The following CSN2 variants were observed in gnomAD, a reference collection of about 807,000 sequenced individuals.
The protein encoded by CSN2 is casein beta, also known as beta-casein.
Under a neutral mutation model 27.3 loss-of-function variants are expected in CSN2, and 27 were observed. The ratio of observed to expected loss-of-function variants is 0.99; its 90% CI spans 0.73 to 1.36. The LOEUF is 1.36. Ranked by LOEUF, CSN2 falls within the 40% of genes most tolerant of loss-of-function variation. The pLI is 0.00. For missense variants in CSN2, 333 were observed against 264.5 expected (o/e 1.26, Z -1.80); for synonymous variants, 131 against 94.8 (o/e 1.38, Z -2.22).
Position 69,957,170 on chromosome 4 carries a change from A to T in CSN2, c.675+104T>A, listed in dbSNP as rs1723423660. ...AAGTATAATAATAAAAGAATCACTTATCTAAACTGTTTTTTTAATTCATTT... is the reference window on the plus strand; with the variant it reads ...AAGTATAATAATAAAAGAATCACTTTTCTAAACTGTTTTTTTAATTCATTT... On this transcript the variant is annotated intron_variant, in intron 6 of 7. Coordinates refer to ENST00000353151, the MANE Select transcript of CSN2 (RefSeq NM_001891.4). 6.7e-6 allele frequency: 8 copies of T among 1,187,562 alleles called. No homozygotes were observed. In the South Asian group the frequency reaches 1.4e-4, roughly 21 times the overall value. 73.6% of individuals were successfully genotyped at this position (1,187,562 alleles called of 1,614,324 possible).
At position 69,959,595 on chromosome 4, in the gene CSN2, G is replaced by A. The variant is rs118023479; in HGVS notation, c.78+458C>T. Among the ~76,000 whole-genome samples, 50 of 151,964 alleles carry A rather than the reference G, an allele frequency of 3.3e-4. 1 individual carries two copies. In the East Asian group the frequency reaches 8.0e-3, roughly 24 times the overall value. On this transcript the variant is annotated intron_variant, in intron 3 of 7. Coordinates refer to ENST00000353151, the MANE Select transcript of CSN2 (RefSeq NM_001891.4). ...TAAATTTAGGACTACACTAAATCTC[G>A]CTTATTTACTAAAGTGGCTATTGTA... is the stretch of plus-strand genomic sequence containing the variant.
chr4:69,958,977 A>T (rs750457140), intron 4 of CSN2, 24 bp from the exon 5 acceptor site: 7 of 1,575,126 alleles, frequency 4.4e-6, no homozygotes, highest in Non-Finnish European at 6.1e-6. Flanking sequence ...ATATATAAAG[A>T]TATGTTACCA....
chr4:69,960,975 G>A lies in CSN2; in HGVS notation c.21C>T (p.Ala7=). ...TTGCAAGAGCAAGAGCCACCAGGCA[G>A]GCGAGGATGAGGACCTTCATGGCTA... MKVLIL[A]CLVALALARE... The change falls in exon 2 of 8, where the codon GCC becomes GCT. Residue 7 remains alanine (A), a synonymous_variant. Coordinates refer to ENST00000353151, the MANE Select transcript of CSN2 (RefSeq NM_001891.4). 6.2e-7 allele frequency: 1 copy of A among 1,612,968 alleles called. No homozygotes were observed. The highest frequency in any genetic ancestry group is 8.5e-7 in the Non-Finnish European group (1 of 1,179,300).
At chr4:69,964,482 C>G (rs767674379) in intron 1 of CSN2, among the ~76,000 whole-genome samples, 3 of 151,902 alleles carry the variant, frequency 2.0e-5, no homozygotes, top group African/African-American at 7.3e-5. Context: ...TCAAAAAAGT[C>G]TTTAATTTAT....
Position 69,957,408 on chromosome 4 carries a change from G to A in CSN2, c.541C>T (p.Gln181Ter). Residue 181 changes from glutamine to a stop codon, truncating the protein, a stop_gained, in exon 6 of 8, where the codon CAG becomes TAG. Transcript: ENST00000353151. LOFTEE classifies it high-confidence loss of function. ...CTCTGAGGGTAGGGCACCACTTGCT[G>A]GGGGATAGGCAGGACTTTGGGCTGA... ...VPQPKVLPIP[Q>*]QVVPYPQRAV... The A allele has an allele frequency of 6.2e-7, 1 of 1,613,638 alleles. No individual in the cohort carries two copies. Among genetic ancestry groups the A allele is most frequent in the East Asian group, 2.2e-5 (1 of 44,836 alleles).
chr4:69,956,789 C>A (rs1003327722), intron 6 of CSN2, among the ~76,000 whole-genome samples: 1 of 151,994 alleles, frequency 6.6e-6, no homozygotes, highest in Non-Finnish European at 1.5e-5. Context: ...CTAATTAAAC[C>A]AGAATTCATG....
At chr4:69,956,200 A>T in intron 7 of CSN2, 114 bp downstream of exon 7, 1 of 605,426 alleles carries the variant, frequency 1.7e-6, no homozygotes, top group Non-Finnish European at 2.4e-6. Context: ...TTAATAAAAA[A>T]AGTTCTTGTA....
At chr4:69,957,950 T>C in intron 5 of CSN2, 146 bp from the exon 6 acceptor site, 1 of 820,676 alleles carries the variant, frequency 1.2e-6, no homozygotes. Context: ...GAAAGTATCT[T>C]GAGTCATGCG....
At chr4:69,956,693 T>C (rs907071569) in intron 6 of CSN2, among the ~76,000 whole-genome samples, 5 of 152,152 alleles carry the variant, frequency 3.3e-5, no homozygotes, top group African/African-American at 1.2e-4. Flanking sequence ...TTTTAGCTTT[T>C]TTTTCCAAAT....
chr4:69,965,443 T>TATAC (rs1328343114), intron 1 of CSN2, among the ~76,000 whole-genome samples: 1 of 136,070 alleles, frequency 7.3e-6, no homozygotes, highest in East Asian at 2.0e-4. Context: ...TATATATATA[T>TATAC]ATGCATAAAA....
intron 3 of CSN2, among the ~76,000 whole-genome samples, chr4:69,959,508 T>C (rs1446310907): frequency 1.3e-5 from 2 of 152,100 alleles, no homozygotes; most frequent in Non-Finnish European, 2.9e-5. Flanking sequence ...CATTTACTTA[T>C]CAAGTGATCA....
intron 1 of CSN2, among the ~76,000 whole-genome samples, chr4:69,963,740 A>AATT (rs2109749532): frequency 6.6e-6 from 1 of 152,302 alleles, no homozygotes; most frequent in South Asian, 2.1e-4. Flanking sequence ...GTATAATAAT[A>AATT]ATAATTTCAA....
intron 3 of CSN2, 45 bp downstream of exon 3, chr4:69,960,008 G>C: frequency 6.4e-7 from 1 of 1,572,248 alleles, no homozygotes; most frequent in Admixed American, 1.7e-5. Flanking sequence ...TAGAAAAATA[G>C]CACAGGATTT....
At chr4:69,964,686 C>A (rs1192043550) in intron 1 of CSN2, among the ~76,000 whole-genome samples, 1 of 150,860 alleles carries the variant, frequency 6.6e-6, no homozygotes, top group African/African-American at 2.4e-5. Flanking sequence ...TATAATTACA[C>A]ATAGGGAAGA....
Position 69,957,445 on chromosome 4 carries a change from C to T in CSN2, c.504G>A (p.Leu168=). ...GGACTTTGGGCTGAGGAACAGACCA[C>T]AGGGGCTGAGGGGGAAGTGCAAGAG... ...PQTLALPPQP[L]WSVPQPKVLP... Residue 168 remains leucine, a synonymous_variant, in exon 6 of 8, where the codon CTG becomes CTA. Transcript: ENST00000353151. The T allele has an allele frequency of 1.2e-6, 2 of 1,613,606 alleles. No individual in the cohort carries two copies. Among genetic ancestry groups the T allele is most frequent in the Non-Finnish European group, 1.7e-6 (2 of 1,179,878 alleles).
intron 1 of CSN2, among the ~76,000 whole-genome samples, chr4:69,964,819 T>C (rs1376400644): frequency 6.7e-6 from 1 of 149,714 alleles, no homozygotes; most frequent in Non-Finnish European, 1.5e-5. Context: ...TATATACTAA[T>C]ATACTAATAT....
At chr4:69,963,282 C>T (rs961148358) in intron 1 of CSN2, among the ~76,000 whole-genome samples, 26 of 152,126 alleles carry the variant, frequency 1.7e-4, no homozygotes, top group African/African-American at 6.3e-4. Context: ...AAGACACATA[C>T]ACATGTATGT....
intron 1 of CSN2, among the ~76,000 whole-genome samples, chr4:69,963,853 G>A (rs1473249220): frequency 6.6e-6 from 1 of 152,144 alleles, no homozygotes; most frequent in Non-Finnish European, 1.5e-5. Flanking sequence ...CCGCAGCAAT[G>A]AACAAAATAT....
At chr4:69,956,644 G>T (rs1723406366) in intron 6 of CSN2, among the ~76,000 whole-genome samples, 1 of 152,124 alleles carries the variant, frequency 6.6e-6, no homozygotes, top group African/African-American at 2.4e-5. Context: ...AGTAAGGCTT[G>T]TGTAAAAGAG....
Sources: allele counts gnomAD v4.1 joint callset (sites outside exome capture counted in the v4.1 genomes callset), GRCh38; gene constraint gnomAD v4.1.1; transcripts MANE v1.5; gene names NCBI Gene and HGNC (gene_info 2026-07-23, HGNC 2026-07-21).